CDC27: variants seen among roughly 807,000 people sequenced by gnomAD.
CDC27 encodes cell division cycle protein 27 homolog.
Under a neutral mutation model 109.7 loss-of-function variants are expected in CDC27, and 27 were observed. That is an observed-to-expected ratio of 0.25 (90% CI 0.18 to 0.34). The LOEUF (loss-of-function observed/expected upper bound fraction) is 0.34. Among genes scored for constraint, CDC27 ranks in the 10% least tolerant of loss-of-function variants. The pLI is 1.00. For synonymous variants in CDC27, 266 were observed against 333.9 expected, an observed-to-expected ratio of 0.80 and a Z score of 2.22; for missense variants, 579 against 960.2, an observed-to-expected ratio of 0.60 and a Z score of 5.25.
chr17:47,147,806 C>T (rs2063017988), intron 9 of CDC27, among the ~76,000 whole-genome samples: 1 of 148,616 alleles, frequency 6.7e-6, no homozygotes, highest in Non-Finnish European at 1.5e-5. Flanking sequence ...GAGGCTAACG[C>T]AAGAGAATCG....
chr17:47,146,001 A>G (rs148098429), intron 9 of CDC27, among the ~76,000 whole-genome samples: 211 of 152,324 alleles, frequency 1.4e-3, no homozygotes, highest in Non-Finnish European at 2.4e-3. Context: ...CATGTGGCCA[A>G]TGATTCCATC....
chr17:47,175,039 G>GAGGAAGGAAGGAAGGAAGGAAGGA (rs71138592), intron 2 of CDC27, among the ~76,000 whole-genome samples: 6 of 129,896 alleles, frequency 4.6e-5, no homozygotes, highest in African/African-American at 1.8e-4. Flanking sequence ...AAGAGAGAGA[G>GAGGAAGGAAGGAAGGAAGGAAGGA]AGGAAGGAAG....
intron 9 of CDC27, among the ~76,000 whole-genome samples, chr17:47,149,771 A>G (rs1200008501): frequency 6.6e-6 from 1 of 152,048 alleles, no homozygotes; most frequent in Non-Finnish European, 1.5e-5. Flanking sequence ...CCTGGCCAAC[A>G]TCGTGAAACC....
At chr17:47,147,898 C>CAA (rs893703763) in intron 9 of CDC27, among the ~76,000 whole-genome samples, 6 of 45,606 alleles carry the variant, frequency 1.3e-4, no homozygotes, top group South Asian at 7.0e-4. Context: ...GACCCTGTCT[C>CAA]AAAAAAAAAA....
chr17:47,122,212 A>G (rs2062002238), intron 18 of CDC27, among the ~76,000 whole-genome samples: 1 of 151,794 alleles, frequency 6.6e-6, no homozygotes, highest in African/African-American at 2.4e-5. Flanking sequence ...GGTCCAGGTA[A>G]AACTTAGCAA....
intron 1 of CDC27, among the ~76,000 whole-genome samples, chr17:47,186,892 G>A (rs1232679108): frequency 1.3e-5 from 2 of 151,762 alleles, no homozygotes; most frequent in African/African-American, 2.4e-5. Flanking sequence ...CCAAATACAC[G>A]CAATCTGTCA....
intron 9 of CDC27, among the ~76,000 whole-genome samples, chr17:47,147,024 C>A (rs1258990999): frequency 6.6e-6 from 1 of 152,152 alleles, no homozygotes; most frequent in Non-Finnish European, 1.5e-5. Context: ...AATCACACCA[C>A]TGTACTCTAG....
chr17:47,141,812 T>A (rs1329861863), intron 12 of CDC27, 41 bp downstream of exon 12: 1 of 1,231,720 alleles, frequency 8.1e-7, no homozygotes, highest in Non-Finnish European at 1.1e-6. Flanking sequence ...GAAATTGAAA[T>A]TATCTCTAGA....
Position 47,158,205 on chromosome 17 carries a change from C to T in CDC27, c.475+1G>A. The T allele has an allele frequency of 6.9e-7, 1 of 1,449,760 alleles. No homozygotes were observed. The highest frequency in any genetic ancestry group is 9.4e-7 in the Non-Finnish European group (1 of 1,063,020). 89.8% of individuals were successfully genotyped at this position (1,449,760 alleles called of 1,614,324 possible). A position where few individuals can be genotyped will look rare whatever the true frequency, so the allele number is the denominator to read the frequency against. ...CCCACCTCTCAACCCCACCCACCTA[C>T]CTATTTCACATAATGATTCAAAGGG... On this transcript the variant is annotated splice_donor_variant, in intron 5 of 18. Coordinates refer to ENST00000066544, the MANE Select transcript of CDC27 (RefSeq NM_001256.6). LOFTEE classifies it high-confidence loss of function.
At chr17:47,151,399 CCTAT>C (rs1197145137) in intron 9 of CDC27, among the ~76,000 whole-genome samples, 1 of 152,172 alleles carries the variant, frequency 6.6e-6, no homozygotes, top group Non-Finnish European at 1.5e-5. Flanking sequence ...AAAAGAAAAT[CCTAT>C]CTAACACCAT....
In CDC27 at chr17:47,120,790, A is replaced by T. The variant is rs915695282; in HGVS notation, c.*145T>A. 16 of 621,966 alleles carry T rather than the reference A, an allele frequency of 2.6e-5. No individual in the cohort carries two copies. The highest frequency in any genetic ancestry group is 2.0e-4 in the African/African-American group (11 of 54,750). 38.5% of individuals were successfully genotyped at this position (621,966 alleles called of 1,614,324 possible). ...ACTGCCTTTCATTCTGTATACAGTC[A>T]GGGTCCAATGAAAGTGGCACACTCA... On this transcript the variant is annotated 3_prime_UTR_variant, in exon 19 of 19. Transcript: ENST00000066544.
chr17:47,147,586 G>C (rs1457083378), intron 9 of CDC27, among the ~76,000 whole-genome samples: 1 of 151,282 alleles, frequency 6.6e-6, no homozygotes, highest in Non-Finnish European at 1.5e-5. Context: ...CAAAAACATA[G>C]AAGAGACTGG....
At chr17:47,133,018 T>TACAC (rs1341783279) in intron 14 of CDC27, among the ~76,000 whole-genome samples, 1 of 47,290 alleles carries the variant, frequency 2.1e-5, no homozygotes, top group East Asian at 8.4e-4. Flanking sequence ...TATATATATA[T>TACAC]ATATATATAT....
At chr17:47,148,502 T>C (rs575366751) in intron 9 of CDC27, among the ~76,000 whole-genome samples, 2 of 152,194 alleles carry the variant, frequency 1.3e-5, no homozygotes, top group African/African-American at 2.4e-5. Context: ...ATGGACATAA[T>C]ATTTGAAGAA....
At chr17:47,134,628 A>G (rs1006863674) in intron 14 of CDC27, among the ~76,000 whole-genome samples, 1 of 151,950 alleles carries the variant, frequency 6.6e-6, no homozygotes, top group Non-Finnish European at 1.5e-5. Flanking sequence ...GGCACGCATC[A>G]CCACACCCAG....
Position 47,158,305 on chromosome 17 carries a change from T to C in CDC27, c.378-2A>G. ...CCTTTGGCAAGCCGATCTGTCTTGCTGTGGAGAGAAACAAGTAGATTAAAT... is the reference window on the plus strand; with the variant it reads ...CCTTTGGCAAGCCGATCTGTCTTGCCGTGGAGAGAAACAAGTAGATTAAAT... On this transcript the variant is annotated splice_acceptor_variant, in intron 4 of 18. Coordinates refer to ENST00000066544, the MANE Select transcript of CDC27 (RefSeq NM_001256.6). LOFTEE classifies it high-confidence loss of function. 1 of 1,504,444 alleles carries C rather than the reference T, an allele frequency of 6.6e-7. No homozygotes were observed. Among genetic ancestry groups the C allele is most frequent in the Non-Finnish European group, 8.9e-7 (1 of 1,118,060 alleles). 93.2% of individuals were successfully genotyped at this position (1,504,444 alleles called of 1,614,324 possible).
intron 15 of CDC27, 130 bp downstream of exon 15, chr17:47,132,127 G>T: frequency 3.7e-6 from 2 of 544,416 alleles, no homozygotes; most frequent in Non-Finnish European, 6.6e-6. Flanking sequence ...TAGTATTTTT[G>T]GGTGTAATAG....
intron 16 of CDC27, among the ~76,000 whole-genome samples, chr17:47,124,750 T>C (rs923785505): frequency 1.3e-5 from 2 of 152,222 alleles, no homozygotes; most frequent in African/African-American, 4.8e-5. Context: ...TCACATATTA[T>C]GTAGCTTTTG....
Position 47,138,866 on chromosome 17 carries a change from C to T in CDC27, c.1577G>A (p.Arg526Lys). ...TTCAACTCTATAATTCTCAATCCTT[C>T]TAACCTCTGAGAATATTCTTTCAGC... is the stretch of plus-strand genomic sequence containing the variant. ...MQAERIFSEV[R>K]RIENYRVEGM... The change falls in exon 13 of 19, where the codon AGA (arginine) becomes AAA (lysine). Residue 526 changes from arginine (R) to lysine (K), a missense_variant. Coordinates refer to ENST00000066544, the MANE Select transcript of CDC27 (RefSeq NM_001256.6). 6.3e-7 allele frequency: 1 copy of T among 1,590,574 alleles called. No homozygotes were observed. The highest frequency in any genetic ancestry group is 1.1e-5 in the South Asian group (1 of 87,306).
Sources: gnomAD v4.1 joint callset for allele counts (sites outside exome capture counted in the v4.1 genomes callset) on GRCh38, gnomAD v4.1.1 for gene constraint, MANE v1.5 for transcripts, NCBI Gene and HGNC (gene_info 2026-07-23, HGNC 2026-07-21) for gene names.